The following DLK1 variants were observed in gnomAD, a reference collection of about 807,000 sequenced individuals.
The protein encoded by DLK1 is protein delta homolog 1.
DLK1 carries 9 observed loss-of-function variants against 35.2 expected under a neutral mutation model. That is an observed-to-expected ratio of 0.26 (90% CI 0.15 to 0.45). DLK1 has a LOEUF of 0.45. Among genes scored for constraint, DLK1 ranks in the 20% least tolerant of loss-of-function variants. The pLI is 1.00. For missense variants in DLK1, 522 were observed against 528.5 expected, an observed-to-expected ratio of 0.99 and a Z score of 0.12; for synonymous variants, 231 against 228.4, an observed-to-expected ratio of 1.01 and a Z score of -0.10.
At position 100,736,923 on chromosome 14, in the gene DLK1, T is replaced by G. The variant is rs2036579767; in HGVS notation, c.*2027T>G. On this transcript the variant is annotated 3_prime_UTR_variant, in exon 5 of 5. Coordinates refer to ENST00000341267, the MANE Select transcript of DLK1 (RefSeq NM_003836.7). ...TCCTGTTAGCCCACCCCTCCTTTCC[T>G]ATCACCCCCACCTTTCCCTTCCCAT... is the stretch of plus-strand genomic sequence containing the variant. 1 of 82,412 alleles carries G rather than the reference T, an allele frequency of 1.2e-5. No homozygotes were observed. 5.1% of individuals were successfully genotyped at this position (82,412 alleles called of 1,614,324 possible). A position where few individuals can be genotyped will look rare whatever the true frequency, so the allele number is the denominator to read the frequency against.
intron 1 of DLK1, among the ~76,000 whole-genome samples, chr14:100,727,712 C>A (rs921626579): frequency 6.6e-6 from 1 of 152,174 alleles, no homozygotes; most frequent in South Asian, 2.1e-4. Context: ...TGTAAGGGGG[C>A]TGTCTAGAAA....
chr14:100,728,838 AC>A (rs934541453), intron 2 of DLK1, 97 bp from the exon 3 acceptor site: 1 of 1,491,426 alleles, frequency 6.7e-7, no homozygotes, highest in Admixed American at 1.8e-5. Context: ...CTGTGCAAAG[AC>A]CCCCAAGGGT....
intron 3 of DLK1, among the ~76,000 whole-genome samples, chr14:100,729,437 G>A (rs2139859456): frequency 6.6e-6 from 1 of 152,088 alleles, no homozygotes; most frequent in Non-Finnish European, 1.5e-5. Context: ...GGGCTCTGGG[G>A]ATCTCAGAGC....
chr14:100,727,480 T>C (rs1279566140), intron 1 of DLK1, among the ~76,000 whole-genome samples: 1 of 152,094 alleles, frequency 6.6e-6, no homozygotes, highest in Non-Finnish European at 1.5e-5. Context: ...CTTTGGGGTG[T>C]CCCTGTGTGA....
intron 3 of DLK1, 166 bp downstream of exon 3, chr14:100,729,232 G>A (rs756891539): frequency 2.7e-5 from 33 of 1,228,470 alleles, no homozygotes; most frequent in South Asian, 2.2e-4. Flanking sequence ...TGTGGGTACC[G>A]AATGCCTCCT....
In DLK1 at chr14:100,734,674, G is replaced by A; in HGVS notation, c.930G>A (p.Leu310=). 6.2e-7 allele frequency: 1 copy of A among 1,614,084 alleles called. No homozygotes were observed. Among genetic ancestry groups the A allele is most frequent in the Non-Finnish European group, 8.5e-7 (1 of 1,180,030 alleles). ...GCCAGGCCATCTGCTTCACCATCCTGGGCGTGCTCACCAGCCTGGTGGTGC... is the reference window on the plus strand; with the variant it reads ...GCCAGGCCATCTGCTTCACCATCCTAGGCGTGCTCACCAGCCTGGTGGTGC... ...TEGQAICFTI[L]GVLTSLVVLG... The change falls in exon 5 of 5, where the codon CTG becomes CTA. Residue 310 remains leucine (L), a synonymous_variant. Transcript: ENST00000341267. This position sits in a 1 kb window ranked among gnomAD's most constrained non-coding sequence, Gnocchi z 7.4.
chr14:100,734,254 G>A lies in DLK1; in HGVS notation c.510G>A (p.Val170=). The change falls in exon 5 of 5, where the codon GTG becomes GTA. Residue 170 remains valine (V), a synonymous_variant. Coordinates refer to ENST00000341267, the MANE Select transcript of DLK1 (RefSeq NM_003836.7). The surrounding 1 kb of genome is among the most constrained non-coding windows in gnomAD (Gnocchi z 7.4). The part of the protein sequence containing the change: ...PGFSGNFCEI[V]ANSCTPNPCE... ...TCTCAGGCAATTTCTGCGAGATCGT[G>A]GCCAACAGCTGCACCCCCAACCCAT... is the stretch of plus-strand genomic sequence containing the variant. 1 of 1,613,470 alleles carries A rather than the reference G, an allele frequency of 6.2e-7. No individual in the cohort carries two copies. The highest frequency in any genetic ancestry group is 8.5e-7 in the Non-Finnish European group (1 of 1,180,024).
chr14:100,727,555 C>T (rs1024231036), intron 1 of DLK1, among the ~76,000 whole-genome samples: 4 of 152,148 alleles, frequency 2.6e-5, no homozygotes, highest in Admixed American at 1.3e-4. Flanking sequence ...CCCCAATTCC[C>T]AGAGAAGCCC....
At position 100,728,384 on chromosome 14, in the gene DLK1, C is replaced by T. The variant is rs1307731188; in HGVS notation, c.68-12C>T. On this transcript the variant is annotated splice_polypyrimidine_tract_variant and intron_variant, in intron 1 of 4. Transcript: ENST00000341267. ...TGGTGGGGTGAATTGTATAACCTTT[C>T]TTGTACCTCAGGGGCTGAATGCTTC... 3 of 1,613,594 alleles carry T rather than the reference C, an allele frequency of 1.9e-6. No homozygotes were observed. In the South Asian group the frequency reaches 3.3e-5, roughly 18 times the overall value.
chr14:100,731,851 G>T (rs1255548467), intron 3 of DLK1, among the ~76,000 whole-genome samples, 191 bp from the exon 4 acceptor site: 1 of 152,186 alleles, frequency 6.6e-6, no homozygotes, highest in Non-Finnish European at 1.5e-5. Flanking sequence ...GTGACCTTAG[G>T]CAAGGAAACC....
intron 2 of DLK1, 126 bp from the exon 3 acceptor site, chr14:100,728,810 C>G: frequency 2.3e-6 from 3 of 1,305,344 alleles, no homozygotes; most frequent in Non-Finnish European, 3.2e-6. Context: ...GTTTACTTCC[C>G]AGGACCACCG....
intron 1 of DLK1, among the ~76,000 whole-genome samples, 183 bp downstream of exon 1, chr14:100,727,318 A>T (rs970753410): frequency 6.6e-6 from 1 of 152,092 alleles, no homozygotes; most frequent in Non-Finnish European, 1.5e-5. Context: ...GGCCCGTCCC[A>T]GGGGTCCCAG....
intron 4 of DLK1, among the ~76,000 whole-genome samples, chr14:100,733,417 A>G (rs538138323): frequency 1.3e-5 from 2 of 152,320 alleles, no homozygotes; most frequent in African/African-American, 4.8e-5. Flanking sequence ...TTGAGCAAAC[A>G]GCTTTGGTTT....
In DLK1 at chr14:100,734,775, GGAA is replaced by G. The variant is rs763477623; in HGVS notation, c.1041_1043del (p.Lys347del). The G allele has an allele frequency of 1.2e-5, 19 of 1,613,866 alleles. No homozygotes were observed. The highest frequency in any genetic ancestry group is 6.7e-5 in the African/African-American group (5 of 74,900). On this transcript the variant is annotated inframe_deletion, in exon 5 of 5. Transcript: ENST00000341267. The surrounding 1 kb of genome is among the most constrained non-coding windows in gnomAD (Gnocchi z 7.4). ...AACCTGCGCTACAACCACATGCTGC[GGAA>G]GAAGAAGAACCTGCTGCTTCAGTAC...
At chr14:100,729,902 A>G (rs2036488422) in intron 3 of DLK1, among the ~76,000 whole-genome samples, 1 of 152,228 alleles carries the variant, frequency 6.6e-6, no homozygotes, top group Non-Finnish European at 1.5e-5. Context: ...CAGATAGGGA[A>G]ACTGAGGATC....
chr14:100,737,752 G>A lies in DLK1; in HGVS notation c.*2856G>A, dbSNP rs1338063025. Reference sequence around the variant, plus strand: ...GGGTCTTGAGCAGACGCCTCCCTTGGAGAAGAGCCACCATCTCACCTTCCC... The same window carrying A: ...GGGTCTTGAGCAGACGCCTCCCTTGAAGAAGAGCCACCATCTCACCTTCCC... On this transcript the variant is annotated 3_prime_UTR_variant, in exon 5 of 5. Transcript: ENST00000341267. 1 of 152,172 alleles carries A rather than the reference G, an allele frequency of 6.6e-6. No homozygotes were observed. The highest frequency in any genetic ancestry group is 1.5e-5 in the Non-Finnish European group (1 of 68,070). The allele number at this position is 152,172 out of a possible 1,614,324, so 9.4% of individuals were successfully genotyped here.
chr14:100,733,507 G>A (rs529430748), intron 4 of DLK1, among the ~76,000 whole-genome samples: 2 of 152,132 alleles, frequency 1.3e-5, no homozygotes, highest in Non-Finnish European at 2.9e-5. Flanking sequence ...GACAGACCTC[G>A]TATTGCTTTC....
rs374648857 is a variant in DLK1, at chr14:100,732,100, C to A, written c.321C>A (p.Asp107Glu). Residue 107 changes from aspartate to glutamate, a missense_variant, in exon 4 of 5, where the codon GAC becomes GAA. Transcript: ENST00000341267. ...CANNRTCVSLDDGLYECSCAP... is the reference protein window; with the variant it reads ...CANNRTCVSLEDGLYECSCAP... ...ACAACAGGACCTGCGTGAGCCTGGA[C>A]GATGGCCTCTATGAATGCTCCTGTG... 8.7e-6 allele frequency: 14 copies of A among 1,613,972 alleles called. No homozygotes were observed. The highest frequency in any genetic ancestry group is 4.0e-5 in the African/African-American group (3 of 75,064).
rs2036579889 is a variant in DLK1, at chr14:100,736,932, C to G, written c.*2036C>G. 7.4e-6 allele frequency: 1 copy of G among 135,684 alleles called. No individual in the cohort carries two copies. The allele number at this position is 135,684 out of a possible 1,614,324, so 8.4% of individuals were successfully genotyped here. A position where few individuals can be genotyped will look rare whatever the true frequency, so the allele number is the denominator to read the frequency against. ...CCCACCCCTCCTTTCCTATCACCCC[C>G]ACCTTTCCCTTCCCATTCTCCCCAC... On this transcript the variant is annotated 3_prime_UTR_variant, in exon 5 of 5. Coordinates refer to ENST00000341267, the MANE Select transcript of DLK1 (RefSeq NM_003836.7).
Sources: gnomAD v4.1 joint callset for allele counts (sites outside exome capture counted in the v4.1 genomes callset) on GRCh38, gnomAD v4.1.1 for gene constraint, Gnocchi (gnomAD v3.1) non-coding constraint, MANE v1.5 for transcripts, NCBI Gene and HGNC (gene_info 2026-07-23, HGNC 2026-07-21) for gene names.